Variants in PAPLN observed in about 807,000 individuals in gnomAD.
The protein encoded by PAPLN is papilin, proteoglycan like sulfated glycoprotein.
In PAPLN, 146 loss-of-function variants were observed where a neutral mutation model predicts 159.0. The ratio of observed to expected loss-of-function variants is 0.92; its 90% CI spans 0.80 to 1.05. The LOEUF (loss-of-function observed/expected upper bound fraction) is 1.05, where lower values mean the gene tolerates loss of function less well. Ranked by LOEUF, PAPLN falls within the 50% of genes least tolerant of loss-of-function variation. The pLI is 0.00. For synonymous variants in PAPLN, 734 were observed against 702.9 expected, an observed-to-expected ratio of 1.04 and a Z score of -0.70; for missense variants, 1,720 against 1,743.9, an observed-to-expected ratio of 0.99 and a Z score of 0.24.
Position 73,266,598 on chromosome 14 carries a change from G to T in PAPLN, c.3361G>T (p.Asp1121Tyr). 6.2e-7 allele frequency: 1 copy of T among 1,614,152 alleles called. No individual in the cohort carries two copies. The highest frequency in any genetic ancestry group is 1.1e-5 in the South Asian group (1 of 91,056). The change falls in exon 24 of 27, where the codon GAC becomes TAC. Residue 1121 changes from aspartate to tyrosine, a missense_variant. Coordinates refer to ENST00000644200, the MANE Select transcript of PAPLN (RefSeq NM_001365906.3). The part of the protein sequence containing the change: ...TCVAFNGQDR[D>Y]QRWVQLRVLG... Reference sequence around the variant, plus strand: ...TGTCGCTTTCAATGGGCAGGACCGAGACCAGCGATGGGTCCAGCTCAGAGT... The same window carrying T: ...TGTCGCTTTCAATGGGCAGGACCGATACCAGCGATGGGTCCAGCTCAGAGT...
At position 73,266,612 on chromosome 14, in the gene PAPLN, C is replaced by G. The variant is rs1257877340; in HGVS notation, c.3375C>G (p.Val1125=). The G allele has an allele frequency of 6.2e-7, 1 of 1,614,006 alleles. No individual in the cohort carries two copies. Among genetic ancestry groups the G allele is most frequent in the Non-Finnish European group, 8.5e-7 (1 of 1,180,036 alleles). Residue 1125 remains valine (V), a synonymous_variant, in exon 24 of 27, where the codon GTC becomes GTG. Transcript: ENST00000644200. ...GGCAGGACCGAGACCAGCGATGGGT[C>G]CAGCTCAGAGTTCTGGGTAAAGTGG... ...FNGQDRDQRW[V]QLRVLGELTI... is the part of the protein sequence containing the mutation.
chr14:73,248,098 T>C (rs1884781821), intron 5 of PAPLN, among the ~76,000 whole-genome samples: 2 of 120,540 alleles, frequency 1.7e-5, no homozygotes, highest in Admixed American at 8.9e-5. Context: ...TGTGTGTGTG[T>C]GTGTGTGTGC....
chr14:73,262,634 G>T lies in PAPLN; in HGVS notation c.2530G>T (p.Gly844Trp). ...GCAGGAACCCAGCCAGCACAGGACA[G>T]GGGCCGCGGTGCAGAGAAAGCCCTG... ...GEQEPSQHRT[G>W]AAVQRKPWPS... Residue 844 changes from glycine to tryptophan, a missense_variant, in exon 19 of 27, where the codon GGG becomes TGG. Coordinates refer to ENST00000644200, the MANE Select transcript of PAPLN (RefSeq NM_001365906.3). The T allele has an allele frequency of 6.6e-7, 1 of 1,520,320 alleles. No homozygotes were observed. Among genetic ancestry groups the T allele is most frequent in the East Asian group, 2.4e-5 (1 of 41,944 alleles). The allele number at this position is 1,520,320 out of a possible 1,614,324, so 94.2% of individuals were successfully genotyped here. A position where few individuals can be genotyped will look rare whatever the true frequency, so the allele number is the denominator to read the frequency against.
intron 26 of PAPLN, 47 bp downstream of exon 26, chr14:73,268,770 AT>A: frequency 6.5e-7 from 1 of 1,528,966 alleles, no homozygotes; most frequent in Non-Finnish European, 8.8e-7. Flanking sequence ...TCCCCAGTAG[AT>A]TTACTGGTTC....
chr14:73,260,593 C>A, intron 16 of PAPLN, 116 bp from the exon 17 acceptor site: 1 of 1,301,200 alleles, frequency 7.7e-7, no homozygotes, highest in Non-Finnish European at 9.9e-7. Flanking sequence ...CGTCCTCTCC[C>A]CCCCAGGTCC....
At chr14:73,237,910 C>T (rs1454477559) in intron 1 of PAPLN, among the ~76,000 whole-genome samples, 1 of 152,190 alleles carries the variant, frequency 6.6e-6, no homozygotes, top group African/African-American at 2.4e-5. Flanking sequence ...GTGGTACAAG[C>T]GAGGCCCTGG....
chr14:73,255,015 C>A lies in PAPLN; in HGVS notation c.1624C>A (p.Gln542Lys), dbSNP rs752024509. 7.4e-6 allele frequency: 12 copies of A among 1,612,450 alleles called. 1 individual carries two copies. In the South Asian group the frequency reaches 1.3e-4, roughly 18 times the overall value. Residue 542 changes from glutamine to lysine, a missense_variant, in exon 14 of 27, where the codon CAG (glutamine) becomes AAG (lysine). Gln to Lys is a moderately conservative substitution (Grantham distance 53, BLOSUM62 1). Coordinates refer to ENST00000644200, the MANE Select transcript of PAPLN (RefSeq NM_001365906.3). ...PCNTQPCHLP[Q>K]EVPSMQDVHT... The stretch of plus-strand genomic sequence containing the variant: ...TAACACGCAGCCCTGTCATCTCCCC[C>A]AGGGTAAGGACAGGAGGGCAGGGAG...
Position 73,259,295 on chromosome 14 carries a change from C to G in PAPLN, c.1735C>G (p.Gln579Glu). ...SDSRGQWWAA[Q>E]EHPSARGDHR... ...CTCCAGAGGCCAGTGGTGGGCAGCCCAGGAACACCCCTCAGCCAGGGGTGA... is the reference window on the plus strand; with the variant it reads ...CTCCAGAGGCCAGTGGTGGGCAGCCGAGGAACACCCCTCAGCCAGGGGTGA... Residue 579 changes from glutamine to glutamate, a missense_variant, in exon 16 of 27, where the codon CAG becomes GAG. Gln to Glu is a conservative substitution (Grantham distance 29). Transcript: ENST00000644200. 1 of 1,578,730 alleles carries G rather than the reference C, an allele frequency of 6.3e-7. No homozygotes were observed. Among genetic ancestry groups the G allele is most frequent in the South Asian group, 1.2e-5 (1 of 86,716 alleles).
rs141216817 is a variant in PAPLN at position 73,253,511 on chromosome 14, A to C, written c.1095-243A>C. Reference sequence around the variant, plus strand: ...GGAAGGAGAAAGGGGGATAGGGTTGAGGACAGGAAAGCCAAGGGGGAGGCG... The same window carrying C: ...GGAAGGAGAAAGGGGGATAGGGTTGCGGACAGGAAAGCCAAGGGGGAGGCG... On this transcript the variant is annotated intron_variant, in intron 11 of 26. Coordinates refer to ENST00000644200, the MANE Select transcript of PAPLN (RefSeq NM_001365906.3). Among the ~76,000 whole-genome samples, 276 of 152,226 alleles carry C rather than the reference A, an allele frequency of 1.8e-3. 2 individuals are homozygous for C. The highest frequency in any genetic ancestry group is 3.4e-3 in the Non-Finnish European group (230 of 67,984).
chr14:73,272,807 GT>G lies in PAPLN; in HGVS notation c.*146del. The G allele has an allele frequency of 1.1e-6, 1 of 892,254 alleles. No individual in the cohort carries two copies. The highest frequency in any genetic ancestry group is 1.5e-6 in the Non-Finnish European group (1 of 656,290). 55.3% of individuals were successfully genotyped at this position (892,254 alleles called of 1,614,324 possible). A position where few individuals can be genotyped will look rare whatever the true frequency, so the allele number is the denominator to read the frequency against. Reference sequence around the variant, plus strand: ...TAGCTCTTTCAAAAACCCACCCAGTGTTTAGCCTCAACGGCAGCCAGTTACC... The same window carrying G: ...TAGCTCTTTCAAAAACCCACCCAGTGTTAGCCTCAACGGCAGCCAGTTACC... On this transcript the variant is annotated 3_prime_UTR_variant, in exon 27 of 27. Transcript: ENST00000644200.
chr14:73,262,859 A>T, intron 19 of PAPLN, 32 bp downstream of exon 19: 1 of 1,423,726 alleles, frequency 7.0e-7, no homozygotes, highest in Non-Finnish European at 9.2e-7. Flanking sequence ...TGAGGGGGTT[A>T]GGACGCCCAG....
chr14:73,263,890 C>A, intron 20 of PAPLN, 108 bp downstream of exon 20: 1 of 1,230,640 alleles, frequency 8.1e-7, no homozygotes, highest in Non-Finnish European at 1.1e-6. Context: ...TGTGACAGAC[C>A]CCCTCCTCCT....
chr14:73,243,290 G>T (rs111524268), intron 2 of PAPLN: 6,603 of 152,356 alleles, frequency 0.043, 209 homozygotes, highest in Non-Finnish European at 0.069. Context: ...CACCGTGCCC[G>T]GCTGCTTTTC....
At chr14:73,272,467 AC>A in intron 26 of PAPLN, 27 bp from the exon 27 acceptor site, 1 of 1,489,878 alleles carries the variant, frequency 6.7e-7, no homozygotes, top group Admixed American at 2.2e-5. Flanking sequence ...CTTCCTCACC[AC>A]CTTCTCTCTC....
intron 5 of PAPLN, among the ~76,000 whole-genome samples, chr14:73,248,129 T>G (rs1358269108): frequency 2.3e-4 from 23 of 98,944 alleles, no homozygotes; most frequent in Admixed American, 3.4e-4. Context: ...GTTGTGGGGA[T>G]CGTGGCTGTG....
At position 73,260,846 on chromosome 14, in the gene PAPLN, G is replaced by C; in HGVS notation, c.2106+17G>C. The C allele has an allele frequency of 6.7e-7, 1 of 1,497,106 alleles. No individual in the cohort carries two copies. Among genetic ancestry groups the C allele is most frequent in the Non-Finnish European group, 8.9e-7 (1 of 1,128,330 alleles). 92.7% of individuals were successfully genotyped at this position (1,497,106 alleles called of 1,614,324 possible). A position where few individuals can be genotyped will look rare whatever the true frequency, so the allele number is the denominator to read the frequency against. On this transcript the variant is annotated intron_variant, in intron 17 of 26. Transcript: ENST00000644200. ...GCTTCTACAGTAAGTGTCTGGCCTGGGGGAGGGGAGCAGGGGGCCAGCCCG... is the reference window on the plus strand; with the variant it reads ...GCTTCTACAGTAAGTGTCTGGCCTGCGGGAGGGGAGCAGGGGGCCAGCCCG...
intron 11 of PAPLN, chr14:73,253,140 T>C: frequency 1.5e-6 from 2 of 1,375,224 alleles, no homozygotes; most frequent in African/African-American, 3.2e-5. Context: ...GCATCGGCCA[T>C]GGCTTTGTTC....
intron 11 of PAPLN, chr14:73,253,074 G>C (rs953322278): frequency 7.5e-7 from 1 of 1,325,150 alleles, no homozygotes; most frequent in Non-Finnish European, 1.0e-6. Flanking sequence ...CCAGCAGAGG[G>C]TTTGGCTTGG....
Position 73,272,509 on chromosome 14 carries a change from C to T in PAPLN, c.3682C>T (p.Pro1228Ser), listed in dbSNP as rs755050652. 10 of 1,561,042 alleles carry T rather than the reference C, an allele frequency of 6.4e-6. No individual in the cohort carries two copies. In the African/African-American group the frequency reaches 1.1e-4, roughly 17 times the overall value. ...TCGTTCTGCAGCACCCACCGCCCAGCCCAGGGACCCTGGCAGGGACTGCGT... is the reference window on the plus strand; with the variant it reads ...TCGTTCTGCAGCACCCACCGCCCAGTCCAGGGACCCTGGCAGGGACTGCGT... ...KVVSPAPTAQ[P>S]RDPGRDCVDQ... The change falls in exon 27 of 27, where the codon CCC (proline) becomes TCC (serine). Residue 1228 changes from proline to serine, a missense_variant. By Grantham distance (74) the Pro-to-Ser change is moderately conservative (BLOSUM62 -1). Coordinates refer to ENST00000644200, the MANE Select transcript of PAPLN (RefSeq NM_001365906.3).
Sources: gnomAD v4.1 joint callset for allele counts (sites outside exome capture counted in the v4.1 genomes callset) on GRCh38, gnomAD v4.1.1 for gene constraint, MANE v1.5 for transcripts, NCBI Gene and HGNC (gene_info 2026-07-23, HGNC 2026-07-21) for gene names.